Variants in SLC5A11 observed in about 807,000 individuals in gnomAD.
The protein encoded by SLC5A11 is sodium/myo-inositol cotransporter 2.
A neutral mutation model predicts 69.8 loss-of-function variants in SLC5A11; 48 were observed. The ratio of observed to expected loss-of-function variants is 0.69; its 90% CI spans 0.55 to 0.87. The LOEUF (loss-of-function observed/expected upper bound fraction) is 0.87. Among genes scored for constraint, SLC5A11 ranks in the 40% least tolerant of loss-of-function variants. SLC5A11 has a pLI of 0.00. For synonymous variants in SLC5A11, 319 were observed against 342.4 expected, an observed-to-expected ratio of 0.93 and a Z score of 0.75; for missense variants, 784 against 866.1, an observed-to-expected ratio of 0.91 and a Z score of 1.19.
intron 1 of SLC5A11, among the ~76,000 whole-genome samples, chr16:24,854,179 C>T (rs1006184436): frequency 3.3e-5 from 5 of 152,222 alleles, no homozygotes; most frequent in African/African-American, 7.2e-5. Context: ...ACCAGGCAGC[C>T]GCCGCCCCTC....
chr16:24,857,417 G>A (rs535230505), intron 1 of SLC5A11, among the ~76,000 whole-genome samples: 1 of 152,300 alleles, frequency 6.6e-6, no homozygotes, highest in South Asian at 2.1e-4. Flanking sequence ...GAACTTAGTG[G>A]CTAAAACAAC....
chr16:24,888,063 C>T (rs1237545842), intron 8 of SLC5A11, among the ~76,000 whole-genome samples: 1 of 152,100 alleles, frequency 6.6e-6, no homozygotes, highest in East Asian at 1.9e-4. Flanking sequence ...AATGAATAAG[C>T]GTTCTCCTAT....
chr16:24,899,802 C>G (rs1183130927), intron 10 of SLC5A11, among the ~76,000 whole-genome samples: 1 of 152,008 alleles, frequency 6.6e-6, no homozygotes, highest in Non-Finnish European at 1.5e-5. Context: ...CTCTCAGGCT[C>G]AAGCAATTCT....
Position 24,860,745 on chromosome 16 carries a change from G to A in SLC5A11, c.136-1856G>A, listed in dbSNP as rs112931253. On this transcript the variant is annotated intron_variant, in intron 2 of 15. Coordinates refer to ENST00000347898, the Ensembl canonical transcript of SLC5A11. ...TGTTTTGAGACGGAGTCTTGCTGTC[G>A]CTCAGCCTGGAGTGCACTGGTGCAA... 5.0e-3 allele frequency among the ~76,000 whole-genome samples: 756 copies of A among 151,462 alleles called. 13 individuals are homozygous for A. Among genetic ancestry groups the A allele is most frequent in the African/African-American group, 0.017 (683 of 41,112 alleles).
intron 3 of SLC5A11, among the ~76,000 whole-genome samples, chr16:24,863,207 T>A (rs1264437638): frequency 1.3e-5 from 2 of 151,374 alleles, no homozygotes; most frequent in Non-Finnish European, 1.5e-5. Context: ...AAATAAAATT[T>A]AAAAATGTGC....
chr16:24,890,008 A>G (rs1041812451), intron 8 of SLC5A11, among the ~76,000 whole-genome samples: 6 of 152,134 alleles, frequency 3.9e-5, no homozygotes, highest in African/African-American at 1.4e-4. Flanking sequence ...AAGACTGGAA[A>G]TCTCACTGGA....
intron 7 of SLC5A11, among the ~76,000 whole-genome samples, chr16:24,881,673 C>T (rs1375914198): frequency 6.6e-6 from 1 of 152,140 alleles, no homozygotes; most frequent in Non-Finnish European, 1.5e-5. Flanking sequence ...ATGAGCAATG[C>T]AGGGGAGGAG....
At chr16:24,872,077 C>A in intron 4 of SLC5A11, 83 bp from the exon 6 acceptor site, 1 of 1,506,458 alleles carries the variant, frequency 6.6e-7, no homozygotes, top group Admixed American at 1.7e-5. Flanking sequence ...TCAGGCCAGG[C>A]TGCCTCAGGG....
intron 9 of SLC5A11, among the ~76,000 whole-genome samples, chr16:24,896,337 T>A (rs116831632): frequency 2.0e-5 from 3 of 151,944 alleles, no homozygotes; most frequent in Non-Finnish European, 2.9e-5. Flanking sequence ...TAAATAAAAA[T>A]TTTAAAAATT....
At chr16:24,885,140 G>A (rs960832315) in intron 8 of SLC5A11, among the ~76,000 whole-genome samples, 1 of 152,128 alleles carries the variant, frequency 6.6e-6, no homozygotes, top group Non-Finnish European at 1.5e-5. Flanking sequence ...TGGTGATCCT[G>A]TCTTTGTTTT....
chr16:24,860,498 T>C (rs1466103288), intron 2 of SLC5A11, among the ~76,000 whole-genome samples: 22 of 118,178 alleles, frequency 1.9e-4, no homozygotes, highest in Admixed American at 1.7e-3. Flanking sequence ...TGTTTGGGAG[T>C]GTAGCTATAA....
intron 8 of SLC5A11, among the ~76,000 whole-genome samples, chr16:24,884,993 C>A (rs1036852333): frequency 6.6e-6 from 1 of 152,138 alleles, no homozygotes; most frequent in Non-Finnish European, 1.5e-5. Context: ...TCACCTGCCT[C>A]GGCCTCCCAA....
At chr16:24,884,121 G>A (rs375189875) in exon 8 of SLC5A11, 1 of 1,614,090 alleles carries the variant, frequency 6.2e-7, no homozygotes, top group African/African-American at 1.3e-5. Flanking sequence ...CGCTCACCTT[G>A]ATGGGCTACA....
chr16:24,908,907 C>A (rs1442156503), exon 14 of SLC5A11: 1 of 1,613,814 alleles, frequency 6.2e-7, no homozygotes, highest in East Asian at 2.2e-5. Flanking sequence ...TGATCTCGGG[C>A]CTGCTCCTGG....
At position 24,872,038 on chromosome 16, in the gene SLC5A11, C is replaced by T. The variant is rs879158718; in HGVS notation, c.313-122C>T. The stretch of plus-strand genomic sequence containing the variant: ...AGGCCAGCACAGGTGAACCACTCAG[C>T]GAGTAAGAGACTACACCAGAGGTGG... On this transcript the variant is annotated intron_variant, in intron 4 of 15. Transcript: ENST00000347898. 3.1e-5 allele frequency: 34 copies of T among 1,086,020 alleles called. No individual in the cohort carries two copies. In the East Asian group the frequency reaches 3.8e-4, roughly 12 times the overall value. The allele number at this position is 1,086,020 out of a possible 1,614,324, so 67.3% of individuals were successfully genotyped here.
At chr16:24,849,593 A>ATATATATATATATAT (rs61292571) in intron 1 of SLC5A11, among the ~76,000 whole-genome samples, 15 of 35,870 alleles carry the variant, frequency 4.2e-4, no homozygotes, top group Non-Finnish European at 8.4e-4. Flanking sequence ...AAAAAAAAAA[A>ATATATATATATATAT]ATATATATAT....
At chr16:24,852,996 A>G (rs2059378903) in intron 1 of SLC5A11, among the ~76,000 whole-genome samples, 1 of 151,192 alleles carries the variant, frequency 6.6e-6, no homozygotes, top group Non-Finnish European at 1.5e-5. Flanking sequence ...TGTTCTATTG[A>G]GTCCCCAGGG....
intron 5 of SLC5A11, among the ~76,000 whole-genome samples, chr16:24,873,984 G>A (rs534129907): frequency 1.4e-3 from 213 of 151,924 alleles, no homozygotes; most frequent in Non-Finnish European, 2.3e-3. Flanking sequence ...ACACCACCAC[G>A]CCCGACTACT....
At chr16:24,858,026 A>G (rs1264142580) in intron 1 of SLC5A11, among the ~76,000 whole-genome samples, 1 of 152,108 alleles carries the variant, frequency 6.6e-6, no homozygotes, top group African/African-American at 2.4e-5. Flanking sequence ...CACTTACTTA[A>G]CTTTTCTGTG....
Sources: allele counts gnomAD v4.1 joint callset (sites outside exome capture counted in the v4.1 genomes callset), GRCh38; gene constraint gnomAD v4.1.1; transcripts MANE v1.5; gene names NCBI Gene and HGNC (gene_info 2026-07-23, HGNC 2026-07-21).